Variants in LAMA2 observed in about 807,000 individuals in gnomAD.
LAMA2 encodes the protein laminin subunit alpha-2.
A neutral mutation model predicts 364.8 loss-of-function variants in LAMA2; 269 were observed. That is an observed-to-expected ratio of 0.74 (90% CI 0.67 to 0.82). LAMA2 has a LOEUF of 0.82. Ranked by LOEUF, LAMA2 falls within the 40% of genes least tolerant of loss-of-function variation. LAMA2 has a pLI of 0.00. For synonymous variants in LAMA2, 1,379 were observed against 1,370.6 expected (o/e 1.01, Z -0.14); for missense variants, 3,807 against 3,873.2 (o/e 0.98, Z 0.45).
chr6:129,291,852 CTG>C, intron 20 of LAMA2, 132 bp downstream of exon 20: 1 of 708,886 alleles, frequency 1.4e-6, no homozygotes, highest in Non-Finnish European at 2.5e-6. Context: ...ATTGAAATGA[CTG>C]TGATCAGTGA....
At chr6:129,305,472 A>G (rs913516876) in intron 22 of LAMA2, among the ~76,000 whole-genome samples, 6 of 152,006 alleles carry the variant, frequency 3.9e-5, no homozygotes, top group African/African-American at 1.4e-4. Context: ...CTACAGGCGC[A>G]TGCCACCATG....
chr6:129,016,840 G>A (rs1785107822), intron 1 of LAMA2, among the ~76,000 whole-genome samples: 1 of 151,152 alleles, frequency 6.6e-6, no homozygotes, highest in South Asian at 2.1e-4. Flanking sequence ...TTATTCAAAG[G>A]TACATTTGTT....
chr6:128,951,028 A>C (rs980734874), intron 1 of LAMA2, among the ~76,000 whole-genome samples: 3 of 152,164 alleles, frequency 2.0e-5, no homozygotes, highest in Non-Finnish European at 2.9e-5. Flanking sequence ...AGGATAGAGA[A>C]GGGGAGGAAG....
At position 129,478,765 on chromosome 6, in the gene LAMA2, A is replaced by G; in HGVS notation, c.7524A>G (p.Ile2508Met). ...AAATTTCAAGAACTCCGTACAATAT[A>G]CTCAGTAGTCCCGATTATGTTGGTG... ...DIEISRTPYN[I>M]LSSPDYVGVT... The change falls in exon 54 of 65, where the codon ATA becomes ATG. Residue 2508 changes from isoleucine (I) to methionine (M), a missense_variant. Transcript: ENST00000421865. The G allele has an allele frequency of 6.2e-7, 1 of 1,612,722 alleles. No homozygotes were observed. Among genetic ancestry groups the G allele is most frequent in the East Asian group, 2.2e-5 (1 of 44,860 alleles).
chr6:129,135,674 C>T (rs1358433575), intron 4 of LAMA2, among the ~76,000 whole-genome samples: 3 of 152,168 alleles, frequency 2.0e-5, no homozygotes, highest in Admixed American at 6.5e-5. Context: ...TGCAAATGTT[C>T]GAGGAGAGTG....
intron 22 of LAMA2, among the ~76,000 whole-genome samples, chr6:129,304,606 T>G (rs955029552): frequency 2.6e-5 from 4 of 152,240 alleles, no homozygotes; most frequent in African/African-American, 9.6e-5. Context: ...AGATCATTGA[T>G]TTGTAATCCT....
At chr6:129,194,849 G>C (rs1167394610) in intron 12 of LAMA2, among the ~76,000 whole-genome samples, 1 of 152,300 alleles carries the variant, frequency 6.6e-6, no homozygotes, top group African/African-American at 2.4e-5. Context: ...ATGATGACAT[G>C]CTTAGCTTGG....
chr6:129,460,796 AT>A (rs1043353197), intron 49 of LAMA2, among the ~76,000 whole-genome samples: 11 of 151,268 alleles, frequency 7.3e-5, no homozygotes, highest in East Asian at 3.9e-4. Context: ...CTCTTACAGG[AT>A]TTTTTTTTAA....
Position 129,252,078 on chromosome 6 carries a change from CT to C in LAMA2, c.1885-3del. On this transcript the variant is annotated splice_polypyrimidine_tract_variant and splice_region_variant and intron_variant, in intron 13 of 64. Transcript: ENST00000421865. ...TCTTTTTTATTTCTTTTTTTTCCCC[CT>C]TTAGGGTAATGACTTGAGCATCAGC... 1 of 1,605,302 alleles carries C rather than the reference CT, an allele frequency of 6.2e-7. No homozygotes were observed. Among genetic ancestry groups the C allele is most frequent in the Non-Finnish European group, 8.5e-7 (1 of 1,172,922 alleles).
At chr6:129,229,185 G>T (rs1253379704) in intron 12 of LAMA2, among the ~76,000 whole-genome samples, 1 of 152,128 alleles carries the variant, frequency 6.6e-6, no homozygotes, top group Admixed American at 6.6e-5. Context: ...ATATACATGT[G>T]TTAGATAGTG....
At chr6:129,005,418 T>A (rs1784387807) in intron 1 of LAMA2, among the ~76,000 whole-genome samples, 1 of 151,940 alleles carries the variant, frequency 6.6e-6, no homozygotes, top group Non-Finnish European at 1.5e-5. Context: ...TTACTAACAT[T>A]CTCATCAGGC....
chr6:129,221,549 A>G (rs1226025631), intron 12 of LAMA2, among the ~76,000 whole-genome samples: 2 of 152,162 alleles, frequency 1.3e-5, no homozygotes, highest in African/African-American at 2.4e-5. Flanking sequence ...TCATTATCAA[A>G]GAGATAATGG....
chr6:128,965,451 G>C (rs979481527), intron 1 of LAMA2, among the ~76,000 whole-genome samples: 3 of 152,018 alleles, frequency 2.0e-5, no homozygotes, highest in African/African-American at 7.2e-5. Flanking sequence ...ATATGAATCA[G>C]ATTTGATAAC....
chr6:128,894,727 G>T (rs1386262631), intron 1 of LAMA2, among the ~76,000 whole-genome samples: 1 of 152,128 alleles, frequency 6.6e-6, no homozygotes, highest in Non-Finnish European at 1.5e-5. Context: ...GAAACTAGTT[G>T]TTTTTTTCTT....
intron 15 of LAMA2, among the ~76,000 whole-genome samples, chr6:129,263,791 G>A (rs1787303982): frequency 6.6e-6 from 1 of 152,172 alleles, no homozygotes. Flanking sequence ...CTAGGCTGGA[G>A]TGCAGTGATG....
At chr6:129,258,115 A>T (rs563736828) in intron 14 of LAMA2, among the ~76,000 whole-genome samples, 3 of 152,062 alleles carry the variant, frequency 2.0e-5, no homozygotes, top group Admixed American at 6.6e-5. Context: ...ATCATCCTGC[A>T]TATATAGATG....
chr6:129,342,284 A>T (rs1776310644), intron 29 of LAMA2, 59 bp from the exon 30 acceptor site: 1 of 1,499,684 alleles, frequency 6.7e-7, no homozygotes, highest in Non-Finnish European at 9.2e-7. Flanking sequence ...CTGTATGATA[A>T]ATTACATTCT....
At chr6:129,270,145 C>T (rs891476924) in intron 16 of LAMA2, among the ~76,000 whole-genome samples, 10 of 151,874 alleles carry the variant, frequency 6.6e-5, no homozygotes, top group Non-Finnish European at 1.3e-4. Flanking sequence ...GCCATAGCCC[C>T]GGAGGATTTC....
intron 18 of LAMA2, among the ~76,000 whole-genome samples, chr6:129,280,649 T>C (rs985027795): frequency 2.0e-5 from 3 of 152,200 alleles, no homozygotes; most frequent in East Asian, 3.8e-4. Context: ...TAAACCAGTA[T>C]TTTAATTCCT....
Sources: allele counts gnomAD v4.1 joint callset (sites outside exome capture counted in the v4.1 genomes callset), GRCh38; gene constraint gnomAD v4.1.1; transcripts MANE v1.5; gene names NCBI Gene and HGNC (gene_info 2026-07-23, HGNC 2026-07-21).